MEIS2: variants seen among roughly 807,000 people sequenced by gnomAD.
MEIS2 encodes homeobox protein Meis2.
Under a neutral mutation model 58.6 loss-of-function variants are expected in MEIS2, and 9 were observed. The observed-to-expected ratio is 0.15, with a 90% CI of 0.09 to 0.27. The LOEUF (loss-of-function observed/expected upper bound fraction) is 0.27. Among genes scored for constraint, MEIS2 ranks in the 10% least tolerant of loss-of-function variants. The pLI is 1.00. For synonymous variants in MEIS2, 221 were observed against 228.4 expected (o/e 0.97, Z 0.29); for missense variants, 427 against 635.0 (o/e 0.67, Z 3.52).
chr15:36,977,482 A>G (rs966295209), intron 8 of MEIS2, among the ~76,000 whole-genome samples: 1 of 152,222 alleles, frequency 6.6e-6, no homozygotes, highest in African/African-American at 2.4e-5. Flanking sequence ...TTTACTATTC[A>G]TGTGATCTTG....
At chr15:37,028,465 G>C (rs1373823357) in intron 8 of MEIS2, among the ~76,000 whole-genome samples, 1 of 152,138 alleles carries the variant, frequency 6.6e-6, no homozygotes, top group East Asian at 1.9e-4. Context: ...CCCCTCAAGA[G>C]AGACAAAGTA....
chr15:36,906,137 C>T (rs2056723664), intron 9 of MEIS2, among the ~76,000 whole-genome samples: 2 of 152,160 alleles, frequency 1.3e-5, no homozygotes, highest in Non-Finnish European at 2.9e-5. Context: ...TGACTGGCTC[C>T]CAGCTTCGAT....
chr15:37,081,038 A>C (rs1413058958), intron 7 of MEIS2, among the ~76,000 whole-genome samples: 1 of 152,206 alleles, frequency 6.6e-6, no homozygotes, highest in Admixed American at 6.5e-5. Context: ...AGTTTCTATG[A>C]ATCATTATAG....
chr15:36,989,965 G>A (rs566845188), intron 8 of MEIS2, among the ~76,000 whole-genome samples: 38 of 152,196 alleles, frequency 2.5e-4, no homozygotes, highest in East Asian at 7.7e-4. Flanking sequence ...TGTTTTTTGA[G>A]ACAGAGTCTC....
chr15:37,083,543 C>T (rs752104627), intron 7 of MEIS2, among the ~76,000 whole-genome samples: 6 of 152,080 alleles, frequency 3.9e-5, no homozygotes, highest in Non-Finnish European at 7.4e-5. Flanking sequence ...CAGAACTAAT[C>T]AATTGTTATT....
intron 7 of MEIS2, among the ~76,000 whole-genome samples, chr15:37,044,228 GAGA>G (rs912469778): frequency 5.5e-4 from 84 of 152,266 alleles, no homozygotes; most frequent in African/African-American, 2.0e-3. Context: ...AAGCTGCTGG[GAGA>G]AGAAGATGTG....
chr15:36,906,669 A>C (rs993920607), intron 9 of MEIS2, among the ~76,000 whole-genome samples: 3 of 151,722 alleles, frequency 2.0e-5, no homozygotes, highest in Non-Finnish European at 2.9e-5. Flanking sequence ...AAAAAAAAAA[A>C]AACAAGGACA....
At chr15:36,895,527 TA>T (rs1159333064) in intron 10 of MEIS2, among the ~76,000 whole-genome samples, 4 of 152,156 alleles carry the variant, frequency 2.6e-5, no homozygotes, top group African/African-American at 9.7e-5. Context: ...ATCTCTTGAT[TA>T]GGGGGACGAA....
In MEIS2 at chr15:36,891,991, C is replaced by G. The variant is rs1372195016; in HGVS notation, c.*182G>C. The G allele has an allele frequency of 4.5e-6, 3 of 669,970 alleles. No homozygotes were observed. The East Asian group carries it at 7.7e-5, about 17-fold the overall frequency. 41.5% of individuals were successfully genotyped at this position (669,970 alleles called of 1,614,324 possible). On this transcript the variant is annotated 3_prime_UTR_variant, in exon 12 of 12. Coordinates refer to ENST00000561208, the MANE Select transcript of MEIS2 (RefSeq NM_170675.5). ...ACATGGACAGAATTGTCTCAGTCAG[C>G]CCATGATTTCACATTTGTGTTCTTG... is the stretch of plus-strand genomic sequence containing the variant.
chr15:37,011,927 C>T (rs1205138570), intron 8 of MEIS2, among the ~76,000 whole-genome samples: 2 of 151,928 alleles, frequency 1.3e-5, no homozygotes, highest in African/African-American at 4.8e-5. Context: ...GGTGGTTTTA[C>T]AGTCCATAGA....
At chr15:37,012,021 CA>C (rs2061178336) in intron 8 of MEIS2, among the ~76,000 whole-genome samples, 1 of 152,114 alleles carries the variant, frequency 6.6e-6, no homozygotes, top group Non-Finnish European at 1.5e-5. Context: ...CTATTGGTTA[CA>C]AACCTGTGTA....
intron 6 of MEIS2, among the ~76,000 whole-genome samples, chr15:37,089,144 A>G (rs954409151): frequency 2.0e-5 from 3 of 152,186 alleles, no homozygotes; most frequent in African/African-American, 7.2e-5. Context: ...GTTGGTGGAC[A>G]GAGCTCAGAA....
chr15:36,926,073 G>T (rs955779678), intron 9 of MEIS2, among the ~76,000 whole-genome samples: 5 of 151,828 alleles, frequency 3.3e-5, no homozygotes, highest in East Asian at 1.9e-4. Flanking sequence ...CAAATAAAAA[G>T]ATATATTTGC....
intron 7 of MEIS2, among the ~76,000 whole-genome samples, chr15:37,050,059 A>T (rs8032758): frequency 1.3e-5 from 2 of 152,116 alleles, no homozygotes; most frequent in Non-Finnish European, 2.9e-5. Context: ...ATTATAGAAC[A>T]TATATTGACT....
chr15:37,023,775 A>G (rs2061602999), intron 8 of MEIS2, among the ~76,000 whole-genome samples: 1 of 152,106 alleles, frequency 6.6e-6, no homozygotes, highest in African/African-American at 2.4e-5. Flanking sequence ...CCCTCGCCAC[A>G]GTTCCTAGTC....
At chr15:36,912,458 T>G (rs530496598) in intron 9 of MEIS2, among the ~76,000 whole-genome samples, 1 of 152,320 alleles carries the variant, frequency 6.6e-6, no homozygotes, top group East Asian at 1.9e-4. Flanking sequence ...TCTCAATTAT[T>G]TATACTTGCA....
At chr15:37,084,776 A>C (rs1892676760) in intron 6 of MEIS2, among the ~76,000 whole-genome samples, 2 of 152,212 alleles carry the variant, frequency 1.3e-5, no homozygotes, top group Admixed American at 1.3e-4. Context: ...GCTTAAAGGA[A>C]AACAGGAATT....
At chr15:36,904,924 A>G (rs2056656825) in intron 9 of MEIS2, among the ~76,000 whole-genome samples, 1 of 152,204 alleles carries the variant, frequency 6.6e-6, no homozygotes, top group Non-Finnish European at 1.5e-5. Context: ...CTCAACAGAT[A>G]AATCTGTCAG....
At chr15:37,078,530 A>C (rs929415460) in intron 7 of MEIS2, among the ~76,000 whole-genome samples, 1 of 1,356 alleles carries the variant, frequency 7.4e-4, no homozygotes, top group African/African-American at 1.1e-3. Context: ...CAGAGTTTTA[A>C]AAAAATCTAA....
Sources: gnomAD v4.1 joint callset for allele counts (sites outside exome capture counted in the v4.1 genomes callset) on GRCh38, gnomAD v4.1.1 for gene constraint, MANE v1.5 for transcripts, NCBI Gene and HGNC (gene_info 2026-07-23, HGNC 2026-07-21) for gene names.